GNL3L: variants seen among roughly 807,000 people sequenced by gnomAD.
GNL3L encodes the protein guanine nucleotide-binding protein-like 3-like protein.
Under a neutral mutation model 42.9 loss-of-function variants are expected in GNL3L, and 4 were observed. That is an observed-to-expected ratio of 0.09 (90% CI 0.05 to 0.21). The LOEUF is 0.21. Among genes scored for constraint, GNL3L ranks in the 10% least tolerant of loss-of-function variants. The probability of loss-of-function intolerance (pLI) is 1.00; values close to 1 mark genes in which losing one functional copy is unlikely to be tolerated. For missense variants in GNL3L, 412 were observed against 481.7 expected (o/e 0.86, Z 1.36); for synonymous variants, 159 against 176.3 (o/e 0.90, Z 0.78).
intron 16 of GNL3L, among the ~76,000 whole-genome samples, chrX:54,596,979 G>A (rs891332202): frequency 3.1e-4 from 34 of 111,251 alleles, no homozygotes; most frequent in African/African-American, 1.0e-3. Flanking sequence ...CAGAAATGCC[G>A]TCCAAGAGTC....
chrX:54,618,365 G>C (rs1437345401), intron 16 of GNL3L, among the ~76,000 whole-genome samples: 1 of 111,793 alleles, frequency 8.9e-6, no homozygotes, highest in East Asian at 2.8e-4. Context: ...TATCCAAACA[G>C]AAACTTGAGC....
At chrX:54,630,319 C>T in the GNL3L span, among the ~76,000 whole-genome samples, 1 of 109,486 alleles carries the variant, frequency 9.1e-6, no homozygotes, top group Non-Finnish European at 1.9e-5. Flanking sequence ...GTTCTTGTTT[C>T]TGTAGTTCCT....
Position 54,541,261 on chromosome X carries a change from T to A in GNL3L, c.190-12T>A. ...CAGTCAGCTCCAGTACCAGTGTGTG[T>A]TCACTTGTTAGGTTGAGGAGATGAG... is the stretch of plus-strand genomic sequence containing the variant. On this transcript the variant is annotated splice_polypyrimidine_tract_variant and intron_variant, in intron 4 of 15. Transcript: ENST00000360845. The A allele has an allele frequency of 2.6e-6, 3 of 1,148,650 alleles. No individual in the cohort carries two copies. The highest frequency in any genetic ancestry group is 3.6e-6 in the Non-Finnish European group (3 of 838,601). The allele number at this position is 1,148,650 out of a possible 1,213,427, so 94.7% of individuals were successfully genotyped here.
intron 16 of GNL3L, among the ~76,000 whole-genome samples, chrX:54,579,500 C>T (rs1925677689): frequency 2.7e-5 from 3 of 112,137 alleles, no homozygotes; most frequent in African/African-American, 9.7e-5. Context: ...CCTCCTCCCT[C>T]AGCCTCCCAA....
chrX:54,577,735 A>G (rs370483200), intron 16 of GNL3L, among the ~76,000 whole-genome samples: 26 of 110,686 alleles, frequency 2.3e-4, no homozygotes, highest in East Asian at 1.4e-3. Context: ...GTTGTCACAG[A>G]TGGCAGAATT....
intron 16 of GNL3L, among the ~76,000 whole-genome samples, chrX:54,587,070 G>A (rs757892889): frequency 9.0e-6 from 1 of 111,500 alleles, no homozygotes; most frequent in African/African-American, 3.3e-5. Flanking sequence ...ACTGCCCAAC[G>A]GTTTGAGAAC....
chrX:54,544,360 C>G, intron 8 of GNL3L, 34 bp downstream of exon 8: 1 of 797,590 alleles, frequency 1.3e-6, no homozygotes, highest in Non-Finnish European at 1.9e-6. Context: ...TAGCCGCTTT[C>G]AGGGTAGTTT....
At chrX:54,576,025 A>G (rs1378030659) in intron 16 of GNL3L, among the ~76,000 whole-genome samples, 1 of 112,364 alleles carries the variant, frequency 8.9e-6, no homozygotes, top group Non-Finnish European at 1.9e-5. Context: ...GGAGTGTTCT[A>G]AGGATGATAT....
At position 54,608,154 on chromosome X, in the gene GNL3L, T is replaced by C. The variant is rs143990659; in HGVS notation, c.*46-12691T>C. Among the ~76,000 whole-genome samples the C allele has an allele frequency of 2.5e-3, 283 of 111,304 alleles. 2 individuals are homozygous for C. Among genetic ancestry groups the C allele is most frequent in the Non-Finnish European group, 4.2e-3 (223 of 52,962 alleles). On this transcript the variant is annotated intron_variant, in intron 16 of 16. Coordinates refer to the GNL3L transcript ENST00000674498. Reference sequence around the variant, plus strand: ...GTTTTTGTATAGGGGGAGTGCTGTGTGTATTGGGAAGGGCTTTTAAGGTAA... The same window carrying C: ...GTTTTTGTATAGGGGGAGTGCTGTGCGTATTGGGAAGGGCTTTTAAGGTAA...
chrX:54,532,046 C>G, intron 1 of GNL3L, among the ~76,000 whole-genome samples: 1 of 110,851 alleles, frequency 9.0e-6, no homozygotes, highest in Non-Finnish European at 1.9e-5. Flanking sequence ...TACGCCCTTC[C>G]CCACCACCTC....
In GNL3L at chrX:54,607,127, T is replaced by G. The variant is rs1569542639; in HGVS notation, c.*46-13718T>G. Among the ~76,000 whole-genome samples the G allele has an allele frequency of 1.5e-3, 131 of 87,855 alleles. 7 individuals carry two copies. The highest frequency in any genetic ancestry group is 6.4e-3 in the African/African-American group (128 of 20,155). 76.3% of individuals were successfully genotyped at this position (87,855 alleles called of 115,157 possible). A position where few individuals can be genotyped will look rare whatever the true frequency, so the allele number is the denominator to read the frequency against. ...TTTCTTTCTTTCTTTCTTTCTTTCT[T>G]TCTTTCTTTCTTTGTCTCTCTCTCT... On this transcript the variant is annotated intron_variant, in intron 16 of 16. Transcript: ENST00000674498.
At chrX:54,581,648 T>C (rs192274341) in intron 16 of GNL3L, among the ~76,000 whole-genome samples, 8 of 112,658 alleles carry the variant, frequency 7.1e-5, no homozygotes, top group African/African-American at 2.3e-4. Flanking sequence ...AAGAATGTTA[T>C]ATTACTAGAG....
At chrX:54,607,987 C>G (rs1329183111) in intron 16 of GNL3L, among the ~76,000 whole-genome samples, 2 of 111,856 alleles carry the variant, frequency 1.8e-5, no homozygotes, top group Non-Finnish European at 3.8e-5. Flanking sequence ...ATAATGTTAA[C>G]TGAAAAAGCA....
intron 2 of GNL3L, among the ~76,000 whole-genome samples, chrX:54,533,048 TC>T (rs1407086384): frequency 1.8e-5 from 2 of 112,067 alleles, no homozygotes; most frequent in Non-Finnish European, 3.8e-5. Flanking sequence ...CCTCCTGACT[TC>T]CTTGTAAGAG....
At chrX:54,625,698 A>G (rs1926352077), downstream of GNL3L, among the ~76,000 whole-genome samples, 2 of 111,275 alleles carry the variant, frequency 1.8e-5, no homozygotes, top group African/African-American at 6.5e-5. Context: ...TAACTAAAAT[A>G]TCTAATGGTA....
rs754596051 is a variant in GNL3L at position 54,548,343 on chromosome X, G to C, written c.745G>C (p.Val249Leu). The C allele has an allele frequency of 8.3e-7, 1 of 1,206,475 alleles. No homozygotes were observed. Among genetic ancestry groups the C allele is most frequent in the Non-Finnish European group, 1.1e-6 (1 of 891,086 alleles). Residue 249 changes from valine to leucine, a missense_variant, in exon 9 of 16, where the codon GTG (valine) becomes CTG (leucine). Physicochemically the swap from Val to Leu is conservative, Grantham distance 32 (BLOSUM62 1). Transcript: ENST00000360845. ...VLGNYCRLGE[V>L]RTHIRVGVVG... ...GGGGAACTATTGCCGCCTTGGTGAA[G>C]TGCGCACCCACATTCGTGTGGGTGT...
intron 16 of GNL3L, among the ~76,000 whole-genome samples, chrX:54,592,315 T>C (rs1006334075): frequency 8.9e-5 from 10 of 111,946 alleles, no homozygotes; most frequent in Non-Finnish European, 1.1e-4. Flanking sequence ...TTCTCTTGTT[T>C]GATTGCCCTA....
chrX:54,644,720 T>C, the GNL3L span, among the ~76,000 whole-genome samples: 1 of 112,225 alleles, frequency 8.9e-6, no homozygotes, highest in Non-Finnish European at 1.9e-5. Flanking sequence ...TGCTTCTTTT[T>C]CAGAAAATTT....
chrX:54,639,073 G>T, the GNL3L span, among the ~76,000 whole-genome samples: 1 of 111,127 alleles, frequency 9.0e-6, no homozygotes, highest in African/African-American at 3.3e-5. Context: ...ATGGAAATGG[G>T]ATTGCTGAGC....
Sources: gnomAD v4.1 joint callset for allele counts (sites outside exome capture counted in the v4.1 genomes callset) on GRCh38, gnomAD v4.1.1 for gene constraint, MANE v1.5 for transcripts, NCBI Gene and HGNC (gene_info 2026-07-23, HGNC 2026-07-21) for gene names.